ICA1: variants seen among roughly 807,000 people sequenced by gnomAD.
ICA1 encodes the protein 69 kDa islet cell autoantigen.
ICA1 carries 40 observed loss-of-function variants against 71.0 expected under a neutral mutation model. That is an observed-to-expected ratio of 0.56 (90% confidence interval 0.44 to 0.73). The LOEUF (loss-of-function observed/expected upper bound fraction) is 0.73, where lower values mean the gene tolerates loss of function less well. Ranked by LOEUF, ICA1 falls within the 30% of genes least tolerant of loss-of-function variation. The probability of loss-of-function intolerance (pLI) is 0.00; values close to 1 mark genes in which losing one functional copy is unlikely to be tolerated. For missense variants in ICA1, 578 were observed against 576.5 expected (o/e 1.00, Z -0.03); for synonymous variants, 207 against 209.5 (o/e 0.99, Z 0.10).
At chr7:8,194,007 A>G (rs1218586512) in intron 6 of ICA1, among the ~76,000 whole-genome samples, 4 of 152,236 alleles carry the variant, frequency 2.6e-5, no homozygotes, top group Non-Finnish European at 5.9e-5. Context: ...GTTCACTTTC[A>G]GTCTCTGTCC....
At chr7:8,256,997 A>G (rs1810452806) in intron 1 of ICA1, among the ~76,000 whole-genome samples, 1 of 152,238 alleles carries the variant, frequency 6.6e-6, no homozygotes, top group Non-Finnish European at 1.5e-5. Flanking sequence ...ACAACTGGTA[A>G]ACACAAGTTT....
At chr7:8,248,773 T>C (rs1807049100) in intron 1 of ICA1, among the ~76,000 whole-genome samples, 2 of 152,050 alleles carry the variant, frequency 1.3e-5, no homozygotes, top group South Asian at 4.2e-4. Flanking sequence ...CAGAACAGAG[T>C]CTGGCAATGA....
At chr7:8,240,191 C>T (rs1803291944) in intron 1 of ICA1, among the ~76,000 whole-genome samples, 1 of 152,136 alleles carries the variant, frequency 6.6e-6, no homozygotes, top group African/African-American at 2.4e-5. Flanking sequence ...GACGAAGCTT[C>T]CAGAGGAAGG....
intron 6 of ICA1, among the ~76,000 whole-genome samples, chr7:8,181,431 C>A (rs1782160525): frequency 6.6e-6 from 1 of 152,060 alleles, no homozygotes. Context: ...TATCTTTGTT[C>A]TTACTTTTAA....
intron 12 of ICA1, among the ~76,000 whole-genome samples, chr7:8,134,740 C>G (rs192673190): frequency 1.3e-5 from 2 of 151,950 alleles, no homozygotes; most frequent in East Asian, 3.9e-4. Flanking sequence ...GTTTGGAACT[C>G]AAGAACACTG....
In ICA1 at chr7:8,241,368, G is replaced by A. The variant is rs541603193; in HGVS notation, c.-79-5363C>T. ...TCCTTTACAGAAAAGCAAATGCTGA[G>A]AGATTTTTGTCACCACCAGGTCTAC... On this transcript the variant is annotated intron_variant, in intron 1 of 13. Coordinates refer to ENST00000402384, the MANE Select transcript of ICA1 (RefSeq NM_001136020.3). 2.6e-5 allele frequency among the ~76,000 whole-genome samples: 4 copies of A among 152,302 alleles called. No homozygotes were observed. The East Asian group carries it at 7.7e-4, about 29-fold the overall frequency.
Position 8,223,231 on chromosome 7 carries a change from A to G in ICA1, c.257-1833T>C, listed in dbSNP as rs891888746. Among the ~76,000 whole-genome samples the G allele has an allele frequency of 2.6e-5, 4 of 152,182 alleles. No individual in the cohort carries two copies. The highest frequency in any genetic ancestry group is 9.7e-5 in the African/African-American group (4 of 41,436). Reference sequence around the variant, plus strand: ...TCTCATTTTTGATCTTAATCGTGTGAGGCTACTGTCACCCTTTTTACCTTG... The same window carrying G: ...TCTCATTTTTGATCTTAATCGTGTGGGGCTACTGTCACCCTTTTTACCTTG... On this transcript the variant is annotated intron_variant, in intron 4 of 13. Transcript: ENST00000402384. The surrounding 1 kb of genome is among the most constrained non-coding windows in gnomAD (Gnocchi z 4.1).
At chr7:8,208,612 G>T (rs890044675) in intron 6 of ICA1, among the ~76,000 whole-genome samples, 6 of 152,190 alleles carry the variant, frequency 3.9e-5, no homozygotes, top group African/African-American at 1.4e-4. Flanking sequence ...AAAGAAGAAA[G>T]TAATCTAGAA....
chr7:8,233,671 C>T (rs1004922856), intron 2 of ICA1, among the ~76,000 whole-genome samples: 4 of 152,090 alleles, frequency 2.6e-5, no homozygotes, highest in African/African-American at 7.2e-5. Flanking sequence ...GCTGGGATTA[C>T]AGATATGAGC....
At position 8,232,735 on chromosome 7, in the gene ICA1, TGTAA is replaced by T; in HGVS notation, c.34_37del (p.Leu12ArgfsTer11). 4 of 1,602,234 alleles carry T rather than the reference TGTAA, an allele frequency of 2.5e-6. No individual in the cohort carries two copies. Among genetic ancestry groups the T allele is most frequent in the Non-Finnish European group, 3.4e-6 (4 of 1,174,790 alleles). Reference sequence around the variant, plus strand: ...TGACTTATCTTGAGCATATCGATCCTGTAAGTCCCAGGGATAACTGCTAAAAACA... The same window carrying T: ...TGACTTATCTTGAGCATATCGATCCTGTCCCAGGGATAACTGCTAAAAACA... On this transcript the variant is annotated frameshift_variant, in exon 3 of 14. Transcript: ENST00000402384. LOFTEE classifies it high-confidence loss of function.
At chr7:8,152,638 T>TCAC (rs1799398903) in intron 8 of ICA1, among the ~76,000 whole-genome samples, 1 of 84,662 alleles carries the variant, frequency 1.2e-5, no homozygotes, top group African/African-American at 6.7e-5. Flanking sequence ...ACTACCACCA[T>TCAC]CTCCTCCACC....
intron 1 of ICA1, among the ~76,000 whole-genome samples, chr7:8,259,168 G>A (rs1203499645): frequency 1.3e-5 from 2 of 152,190 alleles, no homozygotes; most frequent in Non-Finnish European, 2.9e-5. Context: ...TTACAGCATT[G>A]CTTCTCAAAT....
intron 6 of ICA1, among the ~76,000 whole-genome samples, chr7:8,167,432 T>C (rs551275476): frequency 1.6e-4 from 25 of 152,068 alleles, no homozygotes; most frequent in Non-Finnish European, 2.9e-4. Context: ...TGAGTACATA[T>C]AGACACAAAG....
At chr7:8,190,450 C>T (rs113011113) in intron 6 of ICA1, among the ~76,000 whole-genome samples, 4 of 152,234 alleles carry the variant, frequency 2.6e-5, no homozygotes, top group East Asian at 1.9e-4. Context: ...GAACTGAAAA[C>T]GTTACAGTAG....
chr7:8,142,125 T>C (rs937095173), intron 9 of ICA1: 28 of 726,824 alleles, frequency 3.9e-5, no homozygotes, highest in South Asian at 5.0e-5. Flanking sequence ...TAAAAATTGA[T>C]AGTTAAAAAA....
In ICA1 at chr7:8,201,843, G is replaced by A. The variant is rs140686311; in HGVS notation, c.579+16462C>T. Among the ~76,000 whole-genome samples, 3 of 152,322 alleles carry A rather than the reference G, an allele frequency of 2.0e-5. No homozygotes were observed. In the South Asian group the frequency reaches 6.2e-4, roughly 32 times the overall value. ...TTAGGGAGATTCATCAGAGGAAGGA[G>A]GCTGAGGATTTTAGAACATTCCTAG... On this transcript the variant is annotated intron_variant, in intron 6 of 13. Transcript: ENST00000402384.
At chr7:8,203,565 C>T (rs115406692) in intron 6 of ICA1, among the ~76,000 whole-genome samples, 2,640 of 152,194 alleles carry the variant, frequency 0.017, 60 homozygotes, top group African/African-American at 0.059. Flanking sequence ...TGAGCCCCAC[C>T]CCAGGCCTCC....
chr7:8,119,533 T>A (rs543552534), intron 13 of ICA1, among the ~76,000 whole-genome samples: 1 of 152,204 alleles, frequency 6.6e-6, no homozygotes, highest in Non-Finnish European at 1.5e-5. Context: ...GAAACATCTG[T>A]GTATCAAGTC....
At position 8,235,905 on chromosome 7, in the gene ICA1, C is replaced by G. The variant is rs1227888697; in HGVS notation, c.17+5G>C. On this transcript the variant is annotated splice_donor_5th_base_variant and intron_variant, in intron 2 of 13. Transcript: ENST00000402384. Reference sequence around the variant, plus strand: ...CCAATTCAGAAAAGATGACAAATTACTTACCATTTGTGTCCTGACATGTTT... The same window carrying G: ...CCAATTCAGAAAAGATGACAAATTAGTTACCATTTGTGTCCTGACATGTTT... 21 of 1,612,930 alleles carry G rather than the reference C, an allele frequency of 1.3e-5. No individual in the cohort carries two copies. Among genetic ancestry groups the G allele is most frequent in the Non-Finnish European group, 1.8e-5 (21 of 1,179,342 alleles).
Sources: gnomAD v4.1 joint callset for allele counts (sites outside exome capture counted in the v4.1 genomes callset) on GRCh38, gnomAD v4.1.1 for gene constraint, Gnocchi (gnomAD v3.1) non-coding constraint, MANE v1.5 for transcripts, NCBI Gene and HGNC (gene_info 2026-07-23, HGNC 2026-07-21) for gene names.